Variants in NR1H4 observed in about 807,000 individuals in gnomAD.
The protein encoded by NR1H4 is nuclear receptor subfamily 1 group H member 4.
Under a neutral mutation model 58.5 loss-of-function variants are expected in NR1H4, and 23 were observed. That is an observed-to-expected ratio of 0.39 (90% CI 0.28 to 0.56). NR1H4 has a LOEUF of 0.56. NR1H4 is among the 20% of genes least tolerant of loss of function. NR1H4 has a pLI of 0.58. For synonymous variants in NR1H4, 214 were observed against 198.0 expected (o/e 1.08, Z -0.68); for missense variants, 487 against 576.9 (o/e 0.84, Z 1.60).
chr12:100,559,166 GAT>G (rs1955402790), intron 9 of NR1H4, among the ~76,000 whole-genome samples: 2 of 650 alleles, frequency 3.1e-3, no homozygotes, highest in Non-Finnish European at 7.2e-3. Flanking sequence ...GAAAGTATGT[GAT>G]GTGATCTGAT....
chr12:100,515,402 C>A (rs1423228157), intron 4 of NR1H4, among the ~76,000 whole-genome samples: 1 of 151,942 alleles, frequency 6.6e-6, no homozygotes, highest in East Asian at 1.9e-4. Flanking sequence ...AAATCCCTGA[C>A]CTCAGGTGAT....
intron 3 of NR1H4, among the ~76,000 whole-genome samples, chr12:100,504,240 A>T (rs1469164547): frequency 6.6e-6 from 1 of 152,190 alleles, no homozygotes; most frequent in Non-Finnish European, 1.5e-5. Flanking sequence ...TGTAAATCAT[A>T]TTTTAATATT....
chr12:100,505,199 T>C (rs1953930941), intron 3 of NR1H4, among the ~76,000 whole-genome samples: 1 of 152,156 alleles, frequency 6.6e-6, no homozygotes, highest in Non-Finnish European at 1.5e-5. Flanking sequence ...AAACTGGATA[T>C]AAACTGGACC....
intron 1 of NR1H4, among the ~76,000 whole-genome samples, chr12:100,483,987 A>C (rs1209326628): frequency 2.9e-5 from 4 of 138,984 alleles, no homozygotes; most frequent in Non-Finnish European, 6.0e-5. Context: ...CTGTCTCAGA[A>C]AAAAAAAAAA....
chr12:100,537,875 A>C (rs1274606478), intron 8 of NR1H4, among the ~76,000 whole-genome samples: 1 of 152,124 alleles, frequency 6.6e-6, no homozygotes, highest in African/African-American at 2.4e-5. Flanking sequence ...CACCATGCCC[A>C]GCTAATTTTT....
intron 3 of NR1H4, among the ~76,000 whole-genome samples, chr12:100,507,919 G>GA (rs1452382209): frequency 3.9e-5 from 6 of 152,226 alleles, no homozygotes; most frequent in African/African-American, 1.4e-4. Flanking sequence ...TGGCAGTGTA[G>GA]AAAAGCCCTA....
intron 1 of NR1H4, among the ~76,000 whole-genome samples, chr12:100,478,086 C>T (rs529437384): frequency 1.3e-5 from 2 of 151,958 alleles, no homozygotes; most frequent in East Asian, 1.9e-4. Context: ...AACTATAGTC[C>T]TTCGCTGATA....
intron 3 of NR1H4, among the ~76,000 whole-genome samples, chr12:100,495,151 T>C (rs74622316): frequency 1.3e-5 from 2 of 152,184 alleles, no homozygotes; most frequent in East Asian, 3.9e-4. Context: ...GGTGTGGTTC[T>C]CTCCTCTCTC....
In NR1H4 at chr12:100,508,040, G is replaced by C. The variant is rs148950144; in HGVS notation, c.80-2738G>C. Reference sequence around the variant, plus strand: ...TCTTCTCTTTACAGATGAACAGAGGGAGGCCCAGGTAGGGTAAGTAATGGT... The same window carrying C: ...TCTTCTCTTTACAGATGAACAGAGGCAGGCCCAGGTAGGGTAAGTAATGGT... On this transcript the variant is annotated intron_variant, in intron 3 of 10. Coordinates refer to ENST00000392986, the MANE Select transcript of NR1H4 (RefSeq NM_001206979.2). Among the ~76,000 whole-genome samples, 203 of 152,022 alleles carry C rather than the reference G, an allele frequency of 1.3e-3. 1 individual carries two copies. Among genetic ancestry groups the C allele is most frequent in the African/African-American group, 4.6e-3 (191 of 41,484 alleles).
chr12:100,529,583 A>G (rs967045261), intron 4 of NR1H4, among the ~76,000 whole-genome samples: 62 of 152,138 alleles, frequency 4.1e-4, no homozygotes, highest in African/African-American at 1.5e-3. Flanking sequence ...ACCGCCACCA[A>G]GATGGAGTAT....
chr12:100,550,071 T>C (rs1339648232), intron 9 of NR1H4, among the ~76,000 whole-genome samples: 1 of 152,194 alleles, frequency 6.6e-6, no homozygotes, highest in East Asian at 1.9e-4. Context: ...TACTCTTTTG[T>C]TTGCTGTTAT....
intron 1 of NR1H4, among the ~76,000 whole-genome samples, chr12:100,475,224 C>T (rs1566421805): frequency 6.6e-6 from 1 of 152,026 alleles, no homozygotes; most frequent in Middle Eastern, 3.4e-3. Flanking sequence ...AGGGAGCTAC[C>T]ATTTTGTTTC....
At chr12:100,532,256 T>A (rs1358165298) in intron 4 of NR1H4, among the ~76,000 whole-genome samples, 6 of 152,252 alleles carry the variant, frequency 3.9e-5, no homozygotes, top group Admixed American at 1.3e-4. Flanking sequence ...TTTGTCTTTA[T>A]TTCTGAGAGA....
intron 3 of NR1H4, among the ~76,000 whole-genome samples, chr12:100,500,923 A>C (rs970577389): frequency 6.6e-6 from 1 of 152,190 alleles, no homozygotes; most frequent in African/African-American, 2.4e-5. Flanking sequence ...AGAGACTAAT[A>C]AATAGCCATA....
chr12:100,503,307 G>T, intron 3 of NR1H4: 1 of 1,509,460 alleles, frequency 6.6e-7, no homozygotes, highest in Non-Finnish European at 8.8e-7. Context: ...CCGTAATGAA[G>T]TTAATCAGTA....
Position 100,490,853 on chromosome 12 carries a change from T to A in NR1H4, c.-189-1650T>A, listed in dbSNP as rs117147333. On this transcript the variant is annotated intron_variant, in intron 1 of 10. Coordinates refer to ENST00000392986, the MANE Select transcript of NR1H4 (RefSeq NM_001206979.2). ...TCGTCCAGGCTGGAATGCAGTGGCA[T>A]GATCAGAGTTCACTGCAGCCTCGAC... 1.7e-3 allele frequency among the ~76,000 whole-genome samples: 263 copies of A among 152,304 alleles called. 6 individuals carry two copies. Among genetic ancestry groups the A allele is most frequent in the East Asian group, 0.014 (75 of 5,190 alleles).
At chr12:100,536,368 C>G in intron 6 of NR1H4, 144 bp from the exon 7 acceptor site, 1 of 626,512 alleles carries the variant, frequency 1.6e-6, no homozygotes, top group South Asian at 2.0e-5. Context: ...ATTATACACT[C>G]TCTTAGAACT....
chr12:100,533,678 T>A (rs986416444), intron 5 of NR1H4, among the ~76,000 whole-genome samples: 1 of 152,184 alleles, frequency 6.6e-6, no homozygotes, highest in African/African-American at 2.4e-5. Flanking sequence ...GCTGGAGCGC[T>A]GAGGACATTT....
chr12:100,558,460 C>T (rs557341561), intron 9 of NR1H4, among the ~76,000 whole-genome samples: 17 of 152,136 alleles, frequency 1.1e-4, no homozygotes, highest in East Asian at 3.9e-4. Context: ...CAGGCTTAAG[C>T]GATCCTCCCA....
Sources: allele counts gnomAD v4.1 joint callset (sites outside exome capture counted in the v4.1 genomes callset), GRCh38; gene constraint gnomAD v4.1.1; transcripts MANE v1.5; gene names NCBI Gene and HGNC (gene_info 2026-07-23, HGNC 2026-07-21).